Variants in FGD4 observed in about 807,000 individuals in gnomAD.
FGD4 encodes the protein FYVE, RhoGEF and PH domain-containing protein 4.
In FGD4, 42 loss-of-function variants were observed where a neutral mutation model predicts 102.0. That is an observed-to-expected ratio of 0.41 (90% CI 0.32 to 0.53). The LOEUF (loss-of-function observed/expected upper bound fraction) is 0.53, where lower values mean the gene tolerates loss of function less well. Among genes scored for constraint, FGD4 ranks in the 20% least tolerant of loss-of-function variants. The pLI, the probability that FGD4 is intolerant of heterozygous loss-of-function variation, is 0.21. For synonymous variants in FGD4, 380 were observed against 375.7 expected (o/e 1.01, Z -0.13); for missense variants, 902 against 1,078.2 (o/e 0.84, Z 2.29).
chr12:32,510,079 A>G (rs1939200902), intron 1 of FGD4, among the ~76,000 whole-genome samples: 1 of 152,216 alleles, frequency 6.6e-6, no homozygotes, highest in African/African-American at 2.4e-5. Flanking sequence ...CAACTACTAC[A>G]TTATCAATAG....
chr12:32,487,896 T>G (rs1488032953), intron 1 of FGD4, among the ~76,000 whole-genome samples: 2 of 152,190 alleles, frequency 1.3e-5, no homozygotes, highest in Non-Finnish European at 2.9e-5. Flanking sequence ...ATTCCATTGC[T>G]TTTTTCAGAG....
At chr12:32,629,667 A>G (rs12307858) in intron 14 of FGD4, among the ~76,000 whole-genome samples, 23,079 of 151,382 alleles carry the variant, frequency 0.15, 2,035 homozygotes, top group Middle Eastern at 0.26. Flanking sequence ...ATTCATCTCT[A>G]TCTCCCATTT....
chr12:32,615,766 G>C (rs1367283101), intron 10 of FGD4, among the ~76,000 whole-genome samples: 4 of 152,078 alleles, frequency 2.6e-5, no homozygotes, highest in Non-Finnish European at 5.9e-5. Context: ...CTGCAGGAAG[G>C]AATGGGCAAG....
chr12:32,482,837 G>A (rs1465852075), intron 1 of FGD4, among the ~76,000 whole-genome samples: 1 of 152,096 alleles, frequency 6.6e-6, no homozygotes, highest in Non-Finnish European at 1.5e-5. Context: ...TAGAAATCAC[G>A]TTTTGAAGTT....
chr12:32,581,767 C>A (rs569730002), intron 3 of FGD4, among the ~76,000 whole-genome samples, 193 bp from the exon 4 acceptor site: 1 of 152,084 alleles, frequency 6.6e-6, no homozygotes, highest in African/African-American at 2.4e-5. Context: ...TTATTTAAAT[C>A]TTTATTTAAA....
At chr12:32,531,361 G>A (rs1941805327) in intron 1 of FGD4, among the ~76,000 whole-genome samples, 1 of 152,114 alleles carries the variant, frequency 6.6e-6, no homozygotes, top group South Asian at 2.1e-4. Context: ...ACAATTCTGA[G>A]TTTTGACAAA....
intron 1 of FGD4, among the ~76,000 whole-genome samples, chr12:32,456,412 A>T (rs1942950352): frequency 6.6e-6 from 1 of 152,080 alleles, no homozygotes; most frequent in Non-Finnish European, 1.5e-5. Context: ...TTTTCATAGC[A>T]CCTGAGTAAT....
rs1157108520 is a variant in FGD4, at chr12:32,481,127, C to CAAAAAAAAAAAAA, written c.166+81186_166+81198dup. ...TGGGTGACAGAGTGAGACTCCGTCT[C>CAAAAAAAAAAAAA]AAAAAAAAAAAAAAAAAAAAAAAAA... On this transcript the variant is annotated intron_variant, in intron 1 of 16. Coordinates refer to ENST00000534526, the MANE Select transcript of FGD4 (RefSeq NM_001370298.3). Among the ~76,000 whole-genome samples the CAAAAAAAAAAAAA allele has an allele frequency of 2.6e-3, 70 of 27,358 alleles. 18 individuals carry two copies. Among genetic ancestry groups the CAAAAAAAAAAAAA allele is most frequent in the East Asian group, 5.7e-3 (3 of 528 alleles). The allele number at this position is 27,358 out of a possible 152,430, so 17.9% of individuals were successfully genotyped here. A position where few individuals can be genotyped will look rare whatever the true frequency, so the allele number is the denominator to read the frequency against.
At chr12:32,626,160 A>G (rs1048795744) in intron 14 of FGD4, among the ~76,000 whole-genome samples, 3 of 152,186 alleles carry the variant, frequency 2.0e-5, no homozygotes, top group African/African-American at 4.8e-5. Context: ...AGATTGAGAA[A>G]GGGGCTGGGC....
chr12:32,604,151 C>T (rs1417473534), intron 7 of FGD4, among the ~76,000 whole-genome samples: 2 of 152,140 alleles, frequency 1.3e-5, no homozygotes, highest in African/African-American at 2.4e-5. Context: ...TTTTGGCTTT[C>T]AGCAGTTTAA....
chr12:32,413,530 C>T lies in FGD4; in HGVS notation c.166+13571C>T, dbSNP rs538319203. Among the ~76,000 whole-genome samples, 7 of 152,238 alleles carry T rather than the reference C, an allele frequency of 4.6e-5. No homozygotes were observed. The South Asian group carries it at 6.2e-4, about 14-fold the overall frequency. ...ATACCACTGTTGTGTCTAAGAGAAG[C>T]GTTCAGAGGAAGGCACACTTTGGAC... On this transcript the variant is annotated intron_variant, in intron 1 of 16. Coordinates refer to ENST00000534526, the MANE Select transcript of FGD4 (RefSeq NM_001370298.3).
chr12:32,590,429 A>C (rs10844249), intron 4 of FGD4, among the ~76,000 whole-genome samples: 43,858 of 151,820 alleles, frequency 0.29, 6,643 homozygotes, highest in Middle Eastern at 0.49. Context: ...GTTAACAAAT[A>C]GTTCTTGAGA....
chr12:32,417,247 G>T (rs1468709193), intron 1 of FGD4, among the ~76,000 whole-genome samples: 1 of 152,062 alleles, frequency 6.6e-6, no homozygotes, highest in African/African-American at 2.4e-5. Flanking sequence ...TGTAGGACAG[G>T]TCTGGTGTTG....
chr12:32,527,255 G>T (rs1445788613), intron 1 of FGD4, among the ~76,000 whole-genome samples: 1 of 152,188 alleles, frequency 6.6e-6, no homozygotes, highest in Non-Finnish European at 1.5e-5. Flanking sequence ...ATATTACGCA[G>T]TGTTTAATGT....
intron 1 of FGD4, among the ~76,000 whole-genome samples, chr12:32,556,065 CTCTTA>C (rs1250073581): frequency 6.6e-6 from 1 of 151,992 alleles, no homozygotes; most frequent in Non-Finnish European, 1.5e-5. Context: ...TAGTCTCAAA[CTCTTA>C]TCTTAAGCAG....
intron 1 of FGD4, among the ~76,000 whole-genome samples, chr12:32,551,730 C>T (rs933108993): frequency 5.3e-5 from 8 of 152,140 alleles, no homozygotes; most frequent in East Asian, 1.9e-4. Context: ...AGTTTTGATA[C>T]GGATGATCAT....
intron 1 of FGD4, among the ~76,000 whole-genome samples, chr12:32,475,356 A>G (rs1011434275): frequency 1.3e-5 from 2 of 152,196 alleles, no homozygotes; most frequent in Non-Finnish European, 2.9e-5. Context: ...AACATTAGGT[A>G]AAAAATACTC....
chr12:32,486,039 A>G, intron 1 of FGD4: 1 of 1,484,412 alleles, frequency 6.7e-7, no homozygotes. Context: ...GAATGCCTAT[A>G]GTTTCTACCA....
At chr12:32,520,444 T>TGTTTTG (rs1940410604) in intron 1 of FGD4, among the ~76,000 whole-genome samples, 1 of 149,626 alleles carries the variant, frequency 6.7e-6, no homozygotes, top group Non-Finnish European at 1.5e-5. Context: ...TTTTTTGTTT[T>TGTTTTG]TTTTTTTTAG....
Sources: allele counts gnomAD v4.1 joint callset (sites outside exome capture counted in the v4.1 genomes callset), GRCh38; gene constraint gnomAD v4.1.1; transcripts MANE v1.5; gene names NCBI Gene and HGNC (gene_info 2026-07-23, HGNC 2026-07-21).